Variants in FLT4 observed in about 807,000 individuals in gnomAD.
The protein encoded by FLT4 is vascular endothelial growth factor receptor 3.
A neutral mutation model predicts 163.2 loss-of-function variants in FLT4; 30 were observed. The ratio of observed to expected loss-of-function variants is 0.18; its 90% confidence interval spans 0.14 to 0.25. The LOEUF (loss-of-function observed/expected upper bound fraction) is 0.25, where lower values mean the gene tolerates loss of function less well. Ranked by LOEUF, FLT4 falls within the 10% of genes least tolerant of loss-of-function variation. FLT4 has a pLI of 1.00. For synonymous variants in FLT4, 884 were observed against 789.5 expected (o/e 1.12, Z -2.01); for missense variants, 1,510 against 1,863.8 (o/e 0.81, Z 3.50).
chr5:180,608,028 C>CCAGCTTCT (rs1761897132), intron 29 of FLT4: 1 of 694,788 alleles, frequency 1.4e-6, no homozygotes, highest in African/African-American at 1.8e-5. Flanking sequence ...CTCTGCTCCA[C>CCAGCTTCT]CAGCTTCTTG....
Position 180,629,684 on chromosome 5 carries a change from T to A in FLT4, c.816+12A>T. On this transcript the variant is annotated intron_variant, in intron 6 of 29. Transcript: ENST00000261937. ...TGGGGACAGGACAGCCTGGCAGCGC[T>A]GCTGACCTCACCTGCTTCCCTGGGT... 1 of 1,609,956 alleles carries A rather than the reference T, an allele frequency of 6.2e-7. No homozygotes were observed. The highest frequency in any genetic ancestry group is 8.5e-7 in the Non-Finnish European group (1 of 1,178,774).
chr5:180,645,758 C>T (rs1259157202), intron 1 of FLT4, among the ~76,000 whole-genome samples: 1 of 152,128 alleles, frequency 6.6e-6, no homozygotes, highest in Admixed American at 6.5e-5. Flanking sequence ...CCAGACCTGT[C>T]TCCTCAGTGT....
At chr5:180,638,519 T>C (rs1389998052) in intron 1 of FLT4, among the ~76,000 whole-genome samples, 2 of 152,314 alleles carry the variant, frequency 1.3e-5, no homozygotes, top group East Asian at 3.9e-4. Context: ...CTCCCTGCAG[T>C]GAGTGACACT....
At position 180,602,416 on chromosome 5, in the gene FLT4, A is replaced by G. The variant is rs1761561676; in HGVS notation, c.*776T>C. On this transcript the variant is annotated 3_prime_UTR_variant, in exon 30 of 30. Transcript: ENST00000261937. ...CCTGGGGCGGGGGTCAGAGTCATCTAGACTCAGTACAGCTGTCCCTGGGCG... is the reference window on the plus strand; with the variant it reads ...CCTGGGGCGGGGGTCAGAGTCATCTGGACTCAGTACAGCTGTCCCTGGGCG... The G allele has an allele frequency of 2.6e-6, 1 of 380,820 alleles. No individual in the cohort carries two copies. Among genetic ancestry groups the G allele is most frequent in the Non-Finnish European group, 4.6e-6 (1 of 215,088 alleles). The allele number at this position is 380,820 out of a possible 1,614,324, so 23.6% of individuals were successfully genotyped here. A position where few individuals can be genotyped will look rare whatever the true frequency, so the allele number is the denominator to read the frequency against.
intron 1 of FLT4, among the ~76,000 whole-genome samples, chr5:180,633,260 G>A (rs1764316539): frequency 6.6e-6 from 1 of 152,274 alleles, no homozygotes; most frequent in Non-Finnish European, 1.5e-5. Context: ...ACCCTTCCAG[G>A]CACCACTTCA....
At chr5:180,618,733 T>G (rs1384677480) in intron 21 of FLT4, 37 bp downstream of exon 21, 1 of 1,569,928 alleles carries the variant, frequency 6.4e-7, no homozygotes, top group Non-Finnish European at 8.6e-7. Context: ...ACCGGGCCCG[T>G]CAGGCACTAG....
At chr5:180,635,934 CG>C (rs1764654947) in intron 1 of FLT4, among the ~76,000 whole-genome samples, 1 of 16,192 alleles carries the variant, frequency 6.2e-5, no homozygotes, top group African/African-American at 2.9e-4. Context: ...GATGGATGGA[CG>C]GATGGAAGTA....
intron 18 of FLT4, 114 bp downstream of exon 18, chr5:180,619,551 G>C (rs905828485): frequency 9.6e-7 from 1 of 1,038,994 alleles, no homozygotes; most frequent in African/African-American, 1.6e-5. Flanking sequence ...TAGAATCTCG[G>C]ATGAGACTGG....
In FLT4 at chr5:180,621,350, T is replaced by C. The variant is rs1249702354; in HGVS notation, c.2021-98A>G. On this transcript the variant is annotated intron_variant, in intron 13 of 29. Transcript: ENST00000261937. Reference sequence around the variant, plus strand: ...GAGGTAGAAAAGGATCCCTGGAAGCTGGACTTAGGGGTTGTGCGCCGGGCA... The same window carrying C: ...GAGGTAGAAAAGGATCCCTGGAAGCCGGACTTAGGGGTTGTGCGCCGGGCA... The C allele has an allele frequency of 4.1e-6, 6 of 1,470,802 alleles. No homozygotes were observed. In the Admixed American group the frequency reaches 1.3e-4, roughly 31 times the overall value. 91.1% of individuals were successfully genotyped at this position (1,470,802 alleles called of 1,614,324 possible).
intron 1 of FLT4, among the ~76,000 whole-genome samples, chr5:180,643,026 A>G (rs946314063): frequency 2.0e-5 from 3 of 152,204 alleles, no homozygotes; most frequent in Non-Finnish European, 2.9e-5. Context: ...TCCAAAACAC[A>G]TGACCGTTAA....
Position 180,602,947 on chromosome 5 carries a change from A to T in FLT4, c.*245T>A. ...ACCTGCGGATGCTGAACTAAATGAC[A>T]TCTGAATCTCAGGGGGAGGGGCCGG... On this transcript the variant is annotated 3_prime_UTR_variant, in exon 30 of 30. Transcript: ENST00000261937. 1 of 597,826 alleles carries T rather than the reference A, an allele frequency of 1.7e-6. No individual in the cohort carries two copies. The highest frequency in any genetic ancestry group is 3.0e-5 in the Admixed American group (1 of 33,894). 37.0% of individuals were successfully genotyped at this position (597,826 alleles called of 1,614,324 possible).
rs1581675940 is a variant in FLT4 at position 180,629,744 on chromosome 5, A to G, written c.768T>C (p.Ala256=). ...EKLVLNCTVW[A]EFNSGVTFDW... is the part of the protein sequence containing the mutation. ...CAAAGGTGACACCTGAGTTAAACTC[A>G]GCCCACACGGTGCAGTTCAGGACCA... is the stretch of plus-strand genomic sequence containing the variant. Residue 256 remains alanine (A), a synonymous_variant, in exon 6 of 30, where the codon GCT becomes GCC. Transcript: ENST00000261937. The G allele has an allele frequency of 1.2e-6, 2 of 1,612,158 alleles. No homozygotes were observed. Among genetic ancestry groups the G allele is most frequent in the Middle Eastern group, 1.6e-4 (1 of 6,062 alleles).
At chr5:180,625,822 TG>T (rs764134824) in intron 10 of FLT4, 46 bp downstream of exon 10, 24 of 1,581,690 alleles carry the variant, frequency 1.5e-5, no homozygotes, top group Non-Finnish European at 2.0e-5. Context: ...TGGCTGAGGC[TG>T]GGGGCTGTGG....
At chr5:180,642,897 A>G (rs1382205070) in intron 1 of FLT4, among the ~76,000 whole-genome samples, 1 of 152,206 alleles carries the variant, frequency 6.6e-6, no homozygotes, top group African/African-American at 2.4e-5. Context: ...TGCACCGAGC[A>G]CTGTCCATGT....
rs1055121031 is a variant in FLT4 at position 180,608,101 on chromosome 5, G to A, written c.3893+867C>T. 7.1e-6 allele frequency: 5 copies of A among 700,322 alleles called. No individual in the cohort carries two copies. In the African/African-American group the frequency reaches 8.7e-5, roughly 12 times the overall value. The allele number at this position is 700,322 out of a possible 1,614,324, so 43.4% of individuals were successfully genotyped here. On this transcript the variant is annotated intron_variant, in intron 29 of 29. Coordinates refer to ENST00000261937, the MANE Select transcript of FLT4 (RefSeq NM_182925.5). ...TCCGGAGGCCTAACCCCTCCCTGTG[G>A]TGCTTCAGTGGTCACACTCCTTGTC...
In FLT4 at chr5:180,626,003, G is replaced by A. The variant is rs1249235263; in HGVS notation, c.1287C>T (p.Ala429=). Residue 429 remains alanine, a synonymous_variant, in exon 10 of 30, where the codon GCC becomes GCT. Coordinates refer to ENST00000261937, the MANE Select transcript of FLT4 (RefSeq NM_182925.5). ...NVPPQIHEKE[A]SSPSIYSRHS... is the part of the protein sequence containing the mutation. Reference sequence around the variant, plus strand: ...GACGCGAGTAGATGCTGGGGGAGGAGGCCTCCTTCTCATGTATCTGGGGGG... The same window carrying A: ...GACGCGAGTAGATGCTGGGGGAGGAAGCCTCCTTCTCATGTATCTGGGGGG... 6 of 1,612,692 alleles carry A rather than the reference G, an allele frequency of 3.7e-6. No homozygotes were observed. The highest frequency in any genetic ancestry group is 3.3e-5 in the South Asian group (3 of 91,070).
At position 180,621,868 on chromosome 5, in the gene FLT4, G is replaced by A; in HGVS notation, c.1694C>T (p.Ser565Phe). Residue 565 changes from serine to phenylalanine, a missense_variant, in exon 13 of 30, where the codon TCC (serine) becomes TTC (phenylalanine). By Grantham distance (155) the Ser-to-Phe change is radical. Coordinates refer to ENST00000261937, the MANE Select transcript of FLT4 (RefSeq NM_182925.5). The part of the protein sequence containing the change: ...PDGFTIESKP[S>F]EELLEGQPVL... The stretch of plus-strand genomic sequence containing the variant: ...CGGCTGGCCCTCTAGTAGCTCCTCG[G>A]ATGGCTTGGATTCGATGGTGAAGCC... The A allele has an allele frequency of 6.2e-7, 1 of 1,613,510 alleles. No individual in the cohort carries two copies. Among genetic ancestry groups the A allele is most frequent in the East Asian group, 2.2e-5 (1 of 44,876 alleles).
intron 8 of FLT4, among the ~76,000 whole-genome samples, chr5:180,627,824 G>A (rs1356667083): frequency 6.6e-6 from 1 of 152,210 alleles, no homozygotes; most frequent in East Asian, 1.9e-4. Context: ...GTACCCGTGA[G>A]TGAGGCTCCA....
Position 180,621,176 on chromosome 5 carries a change from G to A in FLT4, c.2097C>T (p.Cys699=). Residue 699 remains cysteine (C), a synonymous_variant, in exon 14 of 30, where the codon TGC becomes TGT. Coordinates refer to ENST00000261937, the MANE Select transcript of FLT4 (RefSeq NM_182925.5). The part of the protein sequence containing the change: ...VNVSDSLEMQ[C]LVAGAHAPSI... ...TGGGCGCGTGCGCTCCGGCCACCAAGCACTGCATCTCCAGCGAGTCGCTCA... is the reference window on the plus strand; with the variant it reads ...TGGGCGCGTGCGCTCCGGCCACCAAACACTGCATCTCCAGCGAGTCGCTCA... 6.2e-7 allele frequency: 1 copy of A among 1,612,850 alleles called. No homozygotes were observed. The highest frequency in any genetic ancestry group is 8.5e-7 in the Non-Finnish European group (1 of 1,179,986).
Sources: gnomAD v4.1 joint callset for allele counts (sites outside exome capture counted in the v4.1 genomes callset) on GRCh38, gnomAD v4.1.1 for gene constraint, MANE v1.5 for transcripts, NCBI Gene and HGNC (gene_info 2026-07-23, HGNC 2026-07-21) for gene names.